SPIRE1: variants seen among roughly 807,000 people sequenced by gnomAD.
The protein encoded by SPIRE1 is protein spire homolog 1.
In SPIRE1, 40 loss-of-function variants were observed where a neutral mutation model predicts 94.1. The ratio of observed to expected loss-of-function variants is 0.43; its 90% CI spans 0.33 to 0.55. The LOEUF (loss-of-function observed/expected upper bound fraction) is 0.55. Ranked by LOEUF, SPIRE1 falls within the 20% of genes least tolerant of loss-of-function variation. The pLI, the probability that SPIRE1 is intolerant of heterozygous loss-of-function variation, is 0.06. For synonymous variants in SPIRE1, 376 were observed against 371.7 expected (o/e 1.01, Z -0.13); for missense variants, 838 against 975.2 (o/e 0.86, Z 1.87).
intron 3 of SPIRE1, among the ~76,000 whole-genome samples, chr18:12,537,874 C>A (rs1378220672): frequency 6.6e-6 from 1 of 152,158 alleles, no homozygotes; most frequent in Non-Finnish European, 1.5e-5. Context: ...AACAGAAAGA[C>A]ATCTTGTACT....
At chr18:12,473,363 G>A (rs1381458493) in intron 10 of SPIRE1, among the ~76,000 whole-genome samples, 1 of 152,046 alleles carries the variant, frequency 6.6e-6, no homozygotes, top group Non-Finnish European at 1.5e-5. Context: ...TGTTCACATA[G>A]TGTTGCTCTT....
Position 12,454,370 on chromosome 18 carries a change from G to A in SPIRE1, c.1752C>T (p.Ile584=). 1 of 1,614,178 alleles carries A rather than the reference G, an allele frequency of 6.2e-7. No individual in the cohort carries two copies. The part of the protein sequence containing the change: ...ELEKYQQYKD[I]YTALKKGKLC... ...CCTTTCCTTTTTTCAAGGCGGTGTA[G>A]ATGTCTTTATACTGTTGGTATTTTT... The change falls in exon 13 of 17, where the codon ATC becomes ATT. Residue 584 remains isoleucine, a synonymous_variant. Transcript: ENST00000409402.
chr18:12,632,039 T>C (rs1010696844), intron 2 of SPIRE1, among the ~76,000 whole-genome samples: 1 of 109,544 alleles, frequency 9.1e-6, no homozygotes, highest in African/African-American at 2.8e-5. Flanking sequence ...AGCAAGACTC[T>C]GTCTCCAAAA....
At chr18:12,527,300 G>C (rs550319969) in intron 4 of SPIRE1, among the ~76,000 whole-genome samples, 36 of 152,268 alleles carry the variant, frequency 2.4e-4, no homozygotes, top group Admixed American at 2.2e-3. Flanking sequence ...ATCACAGGCA[G>C]CTACTTTATT....
At position 12,584,946 on chromosome 18, in the gene SPIRE1, C is replaced by T. The variant is rs2144555183; in HGVS notation, c.373-38042G>A. Among the ~76,000 whole-genome samples, 3 of 152,140 alleles carry T rather than the reference C, an allele frequency of 2.0e-5. 1 individual carries two copies. In the Middle Eastern group the frequency reaches 0.01, roughly 517 times the overall value. On this transcript the variant is annotated intron_variant, in intron 2 of 16. Transcript: ENST00000409402. ...TCAGCCTCCTGAGTAGCTGGGAATA[C>T]AGGCATGTGCCACCATGCCTGGCTA... is the stretch of plus-strand genomic sequence containing the variant.
At chr18:12,542,425 T>C (rs995639816) in intron 3 of SPIRE1, among the ~76,000 whole-genome samples, 2 of 152,196 alleles carry the variant, frequency 1.3e-5, no homozygotes, top group Non-Finnish European at 2.9e-5. Context: ...GCAGTATAAA[T>C]TTAGACCATT....
chr18:12,492,333 C>T (rs936394185), intron 8 of SPIRE1, among the ~76,000 whole-genome samples: 3 of 152,158 alleles, frequency 2.0e-5, no homozygotes, highest in African/African-American at 7.2e-5. Flanking sequence ...TCTCTGGATT[C>T]TTTGGGCATT....
At chr18:12,474,824 A>T (rs9953920) in intron 10 of SPIRE1, among the ~76,000 whole-genome samples, 1 of 150,034 alleles carries the variant, frequency 6.7e-6, no homozygotes, top group African/African-American at 2.5e-5. Flanking sequence ...ATCTCAAAAA[A>T]CCCCCCCAAA....
chr18:12,623,214 C>T (rs540665588), intron 2 of SPIRE1, among the ~76,000 whole-genome samples: 5 of 151,792 alleles, frequency 3.3e-5, no homozygotes, highest in Non-Finnish European at 7.4e-5. Context: ...AGTGCAGTGG[C>T]GTGATCTTGG....
At position 12,480,335 on chromosome 18, in the gene SPIRE1, A is replaced by AC. The variant is rs146721296; in HGVS notation, c.1232-465dup. Among the ~76,000 whole-genome samples the AC allele has an allele frequency of 4.5e-4, 68 of 152,326 alleles. No homozygotes were observed. In the East Asian group the frequency reaches 0.011, roughly 25 times the overall value. On this transcript the variant is annotated intron_variant, in intron 9 of 16. Transcript: ENST00000409402. ...TCATATAAACATATTTAATGTGAAC[A>AC]CAAAAAGTCTGGGATACATTTCCTC... is the stretch of plus-strand genomic sequence containing the variant.
intron 16 of SPIRE1, 46 bp from the exon 17 acceptor site, chr18:12,449,942 C>A: frequency 6.4e-7 from 1 of 1,571,498 alleles, no homozygotes; most frequent in South Asian, 1.2e-5. Context: ...ACTTATAGGT[C>A]TGCTGCAATA....
intron 2 of SPIRE1, among the ~76,000 whole-genome samples, chr18:12,608,157 CAAA>C (rs11390238): frequency 2.3e-5 from 3 of 129,056 alleles, no homozygotes; most frequent in Admixed American, 7.8e-5. Flanking sequence ...GACTCCATCT[CAAA>C]AAAAAAAAAA....
chr18:12,459,477 G>A (rs184607018), intron 12 of SPIRE1, among the ~76,000 whole-genome samples: 2 of 152,238 alleles, frequency 1.3e-5, no homozygotes, highest in South Asian at 2.1e-4. Context: ...GAGAAAGGTG[G>A]CAGCACTGAC....
intron 2 of SPIRE1, among the ~76,000 whole-genome samples, chr18:12,592,591 C>T (rs1056344480): frequency 6.6e-6 from 1 of 152,238 alleles, no homozygotes; most frequent in South Asian, 2.1e-4. Context: ...ACTCCCTGTT[C>T]TCTGTGTCAC....
chr18:12,627,168 C>T (rs1320822846), intron 2 of SPIRE1, among the ~76,000 whole-genome samples: 1 of 151,898 alleles, frequency 6.6e-6, no homozygotes, highest in Admixed American at 6.6e-5. Context: ...TGGTTTGTTG[C>T]ACCCATTTAC....
chr18:12,471,061 C>T (rs1022939975), intron 10 of SPIRE1, among the ~76,000 whole-genome samples: 81 of 144,510 alleles, frequency 5.6e-4, no homozygotes, highest in African/African-American at 1.9e-3. Flanking sequence ...AGCTTTCCTA[C>T]TGGAAGCTTT....
intron 2 of SPIRE1, among the ~76,000 whole-genome samples, chr18:12,575,595 A>G (rs1469649366): frequency 2.6e-5 from 4 of 152,210 alleles, no homozygotes; most frequent in Admixed American, 6.5e-5. Context: ...TGCTGGGATT[A>G]CAGGCATGAA....
At chr18:12,482,732 T>C (rs2032887977) in intron 9 of SPIRE1, among the ~76,000 whole-genome samples, 2 of 152,152 alleles carry the variant, frequency 1.3e-5, no homozygotes, top group African/African-American at 4.8e-5. Flanking sequence ...AGCTCTGTAA[T>C]TGCCTGAACC....
At chr18:12,591,813 C>T (rs2036542931) in intron 2 of SPIRE1, among the ~76,000 whole-genome samples, 1 of 151,494 alleles carries the variant, frequency 6.6e-6, no homozygotes, top group African/African-American at 2.4e-5. Flanking sequence ...ACTAAAAATG[C>T]AAAAAATTAG....
Sources: allele counts gnomAD v4.1 joint callset (sites outside exome capture counted in the v4.1 genomes callset), GRCh38; gene constraint gnomAD v4.1.1; transcripts MANE v1.5; gene names NCBI Gene and HGNC (gene_info 2026-07-23, HGNC 2026-07-21).